PIP5K1B: variants seen among roughly 807,000 people sequenced by gnomAD.
The protein encoded by PIP5K1B is phosphatidylinositol 4-phosphate 5-kinase type-1 beta.
Under a neutral mutation model 67.0 loss-of-function variants are expected in PIP5K1B, and 42 were observed. That is an observed-to-expected ratio of 0.63 (90% CI 0.49 to 0.81). PIP5K1B has a LOEUF of 0.81. Among genes scored for constraint, PIP5K1B ranks in the 30% least tolerant of loss-of-function variants. PIP5K1B has a pLI of 0.00. For synonymous variants in PIP5K1B, 214 were observed against 231.4 expected, an observed-to-expected ratio of 0.92 and a Z score of 0.68; for missense variants, 459 against 646.3, an observed-to-expected ratio of 0.71 and a Z score of 3.14.
At chr9:68,990,957 T>G (rs1830337821) in intron 14 of PIP5K1B, among the ~76,000 whole-genome samples, 183 bp from the exon 15 acceptor site, 1 of 152,058 alleles carries the variant, frequency 6.6e-6, no homozygotes. Context: ...CCACCGCGCC[T>G]GGGCTAAACC....
chr9:68,831,508 T>C (rs1834317950), intron 4 of PIP5K1B, among the ~76,000 whole-genome samples: 1 of 152,174 alleles, frequency 6.6e-6, no homozygotes, highest in African/African-American at 2.4e-5. Flanking sequence ...CAACTGCCTT[T>C]CTTCAGGATC....
intron 2 of PIP5K1B, among the ~76,000 whole-genome samples, chr9:68,754,465 G>A (rs561569699): frequency 3.3e-5 from 5 of 152,082 alleles, no homozygotes; most frequent in East Asian, 1.9e-4. Flanking sequence ...CACCACGCCC[G>A]GCCGGTTCCA....
intron 2 of PIP5K1B, among the ~76,000 whole-genome samples, chr9:68,778,313 C>T (rs534605785): frequency 6.6e-6 from 1 of 152,100 alleles, no homozygotes; most frequent in South Asian, 2.1e-4. Context: ...GTTTAAAGTG[C>T]CTAGCAGGGA....
At chr9:68,995,448 T>G (rs961359610) in intron 15 of PIP5K1B, among the ~76,000 whole-genome samples, 1 of 152,324 alleles carries the variant, frequency 6.6e-6, no homozygotes, top group Admixed American at 6.5e-5. Context: ...CGTGCTCTTC[T>G]AGATCAGAAA....
intron 2 of PIP5K1B, among the ~76,000 whole-genome samples, chr9:68,771,765 A>G (rs1024900812): frequency 1.3e-5 from 2 of 152,212 alleles, no homozygotes; most frequent in African/African-American, 4.8e-5. Context: ...TATAGTTTTC[A>G]AAAGGAGAGT....
At chr9:68,817,258 G>A (rs2039424) in intron 2 of PIP5K1B, among the ~76,000 whole-genome samples, 95,597 of 151,994 alleles carry the variant, frequency 0.63, 30,277 homozygotes, top group Admixed American at 0.72. Flanking sequence ...CAATAAGCAG[G>A]CACTCACCAT....
rs114670562 is a variant in PIP5K1B, at chr9:68,706,650, C to G, written c.-243+888C>G. On this transcript the variant is annotated intron_variant, in intron 1 of 15. Coordinates refer to ENST00000265382, the MANE Select transcript of PIP5K1B (RefSeq NM_003558.4). ...AGCGTGTTACAGATCAGAAATAACA[C>G]CCACTATCATCACTACCTCTCTGTG... Among the ~76,000 whole-genome samples, 839 of 152,274 alleles carry G rather than the reference C, an allele frequency of 5.5e-3. 7 individuals carry two copies. Among genetic ancestry groups the G allele is most frequent in the African/African-American group, 0.019 (810 of 41,540 alleles).
chr9:68,732,631 A>G (rs1341792048), intron 1 of PIP5K1B, among the ~76,000 whole-genome samples: 1 of 152,208 alleles, frequency 6.6e-6, no homozygotes, highest in Non-Finnish European at 1.5e-5. Flanking sequence ...TGGGTCTGGT[A>G]AACAGAAGCA....
chr9:68,803,421 C>T (rs1012757182), intron 2 of PIP5K1B, among the ~76,000 whole-genome samples: 27 of 152,114 alleles, frequency 1.8e-4, no homozygotes, highest in Admixed American at 1.6e-3. Context: ...CCATGAGGAA[C>T]AGGAACATTT....
intron 13 of PIP5K1B, among the ~76,000 whole-genome samples, chr9:68,940,077 G>A (rs1434208841): frequency 4.6e-5 from 7 of 152,192 alleles, no homozygotes; most frequent in Non-Finnish European, 1.0e-4. Flanking sequence ...TTTAAAAAAG[G>A]CAGCTTTGCT....
At chr9:68,866,208 A>C (rs2132273179) in intron 5 of PIP5K1B, among the ~76,000 whole-genome samples, 1 of 152,042 alleles carries the variant, frequency 6.6e-6, no homozygotes, top group African/African-American at 2.4e-5. Flanking sequence ...AGGCAGGAGA[A>C]TCTCTGGAGC....
chr9:68,857,959 T>TTTTTTGTTGTTGTTGTTGTTG (rs111803123), intron 4 of PIP5K1B, among the ~76,000 whole-genome samples: 1 of 149,306 alleles, frequency 6.7e-6, no homozygotes, highest in Admixed American at 6.7e-5. Context: ...CTCTTGCTGT[T>TTTTTTGTTGTTGTTGTTGTTG]TTGTTGTTGT....
rs144725022 is a variant in PIP5K1B, at chr9:68,768,314, A to G, written c.-86+25657A>G. Reference sequence around the variant, plus strand: ...TGATTTGAAGTTTCCACCATCATTCATATGTATGTGACACACCCCAGGCCC... The same window carrying G: ...TGATTTGAAGTTTCCACCATCATTCGTATGTATGTGACACACCCCAGGCCC... On this transcript the variant is annotated intron_variant, in intron 2 of 15. Coordinates refer to ENST00000265382, the MANE Select transcript of PIP5K1B (RefSeq NM_003558.4). Among the ~76,000 whole-genome samples, 585 of 152,312 alleles carry G rather than the reference A, an allele frequency of 3.8e-3. 1 individual carries two copies. Among genetic ancestry groups the G allele is most frequent in the African/African-American group, 0.014 (566 of 41,550 alleles).
intron 4 of PIP5K1B, among the ~76,000 whole-genome samples, chr9:68,857,951 C>T (rs1822865940): frequency 2.1e-5 from 2 of 95,860 alleles, no homozygotes; most frequent in South Asian, 7.8e-4. Flanking sequence ...GAATTACTCT[C>T]TTGCTGTTTT....
intron 2 of PIP5K1B, among the ~76,000 whole-genome samples, chr9:68,756,299 T>G (rs564603632): frequency 6.6e-6 from 1 of 152,374 alleles, no homozygotes; most frequent in South Asian, 2.1e-4. Flanking sequence ...TAGAATTTAA[T>G]GTGAAGAGTT....
intron 1 of PIP5K1B, among the ~76,000 whole-genome samples, chr9:68,729,172 T>C (rs570173657): frequency 4.0e-5 from 6 of 149,566 alleles, no homozygotes; most frequent in Admixed American, 2.0e-4. Flanking sequence ...GGGGGTTGCA[T>C]AGGGAGAAAG....
At chr9:68,923,954 A>G (rs1826542046) in intron 12 of PIP5K1B, among the ~76,000 whole-genome samples, 1 of 152,080 alleles carries the variant, frequency 6.6e-6, no homozygotes, top group African/African-American at 2.4e-5. Flanking sequence ...AAATTAAACC[A>G]CACACTCTTA....
At chr9:68,799,763 A>T (rs1335688730) in intron 2 of PIP5K1B, among the ~76,000 whole-genome samples, 1 of 152,204 alleles carries the variant, frequency 6.6e-6, no homozygotes, top group African/African-American at 2.4e-5. Flanking sequence ...TAAAAATAAT[A>T]CCTGAAACTG....
chr9:68,888,138 C>T (rs901232812), intron 6 of PIP5K1B, among the ~76,000 whole-genome samples: 6 of 152,168 alleles, frequency 3.9e-5, no homozygotes, highest in African/African-American at 1.4e-4. Flanking sequence ...GCCACCACGC[C>T]CGGCCAATTT....
Sources: allele counts gnomAD v4.1 joint callset (sites outside exome capture counted in the v4.1 genomes callset), GRCh38; gene constraint gnomAD v4.1.1; transcripts MANE v1.5; gene names NCBI Gene and HGNC (gene_info 2026-07-23, HGNC 2026-07-21).